Variants in KCNJ16 observed in about 807,000 individuals in gnomAD.
KCNJ16 encodes inward rectifier potassium channel 16.
In KCNJ16, 15 loss-of-function variants were observed where a neutral mutation model predicts 18.5. The observed-to-expected ratio is 0.81, with a 90% confidence interval of 0.54 to 1.25. The LOEUF (loss-of-function observed/expected upper bound fraction) is 1.25, where lower values mean the gene tolerates loss of function less well. KCNJ16 is among the 50% of genes most tolerant of loss of function. KCNJ16 has a pLI of 0.00. For synonymous variants in KCNJ16, 174 were observed against 186.5 expected (o/e 0.93, Z 0.55); for missense variants, 523 against 525.7 (o/e 0.99, Z 0.05).
chr17:70,091,833 C>A (rs1228349028), intron 1 of KCNJ16, among the ~76,000 whole-genome samples: 2 of 152,148 alleles, frequency 1.3e-5, no homozygotes, highest in East Asian at 3.9e-4. Flanking sequence ...ATTTCCAGGG[C>A]AATATTTACA....
chr17:70,088,430 G>C (rs1382843656), intron 1 of KCNJ16, among the ~76,000 whole-genome samples: 1 of 152,240 alleles, frequency 6.6e-6, no homozygotes, highest in Non-Finnish European at 1.5e-5. Flanking sequence ...TTCACCGCCT[G>C]CTGTGCGGCC....
chr17:70,115,901 C>A (rs1262144096), intron 2 of KCNJ16, among the ~76,000 whole-genome samples: 1 of 152,164 alleles, frequency 6.6e-6, no homozygotes, highest in Non-Finnish European at 1.5e-5. Flanking sequence ...CGACTGTCTG[C>A]CTTGCTGGGC....
intron 2 of KCNJ16, among the ~76,000 whole-genome samples, chr17:70,127,058 A>C (rs759622725): frequency 4.6e-5 from 7 of 152,224 alleles, no homozygotes; most frequent in Non-Finnish European, 8.8e-5. Context: ...TTTCTATAGT[A>C]AACTGGCACA....
rs768867436 is a variant in KCNJ16, at chr17:70,133,179, G to A, written c.1092G>A (p.Thr364=). ...EKAPPVRESC[T]SDTKARRRSF... ...CACCACCAGTTCGAGAATCCTGCACGTCGGACACCAAGGCGAGACGAAGGT... is the reference window on the plus strand; with the variant it reads ...CACCACCAGTTCGAGAATCCTGCACATCGGACACCAAGGCGAGACGAAGGT... Residue 364 remains threonine (T), a synonymous_variant, in exon 4 of 4, where the codon ACG becomes ACA. Coordinates refer to ENST00000392671, the MANE Select transcript of KCNJ16 (RefSeq NM_170741.4). 12 of 1,614,070 alleles carry A rather than the reference G, an allele frequency of 7.4e-6. No individual in the cohort carries two copies. The highest frequency in any genetic ancestry group is 6.7e-5 in the East Asian group (3 of 44,892).
At chr17:70,077,684 TTTG>T (rs1406730594) in intron 1 of KCNJ16, among the ~76,000 whole-genome samples, 16 of 151,698 alleles carry the variant, frequency 1.1e-4, no homozygotes, top group Non-Finnish European at 2.2e-4. Flanking sequence ...GTTTTTTTTT[TTTG>T]TTTGTTTGTT....
At chr17:70,120,679 T>C (rs1005858401) in intron 2 of KCNJ16, among the ~76,000 whole-genome samples, 3 of 152,128 alleles carry the variant, frequency 2.0e-5, no homozygotes, top group South Asian at 2.1e-4. Context: ...CACACTTTTA[T>C]ATGACCAGAC....
intron 2 of KCNJ16, among the ~76,000 whole-genome samples, chr17:70,114,453 C>T (rs763976007): frequency 1.3e-5 from 2 of 152,092 alleles, no homozygotes; most frequent in Admixed American, 6.6e-5. Flanking sequence ...GACACATATG[C>T]CTTCCACAAA....
At chr17:70,102,758 TC>T (rs1273815934) in intron 2 of KCNJ16, among the ~76,000 whole-genome samples, 1 of 152,100 alleles carries the variant, frequency 6.6e-6, no homozygotes, top group Non-Finnish European at 1.5e-5. Flanking sequence ...TTTCAACACT[TC>T]CTGTCACCGT....
intron 2 of KCNJ16, among the ~76,000 whole-genome samples, chr17:70,121,886 T>C (rs770130858): frequency 6.6e-6 from 1 of 152,136 alleles, no homozygotes; most frequent in Non-Finnish European, 1.5e-5. Flanking sequence ...TTGAATCTGT[T>C]AGGCAGAGGT....
chr17:70,116,194 T>A (rs1036386022), intron 2 of KCNJ16, among the ~76,000 whole-genome samples: 9 of 152,164 alleles, frequency 5.9e-5, no homozygotes, highest in Admixed American at 5.9e-4. Context: ...AAAATTTTAT[T>A]GTATGAGAGT....
chr17:70,082,311 G>C (rs1267950964), intron 1 of KCNJ16, among the ~76,000 whole-genome samples: 1 of 152,146 alleles, frequency 6.6e-6, no homozygotes, highest in African/African-American at 2.4e-5. Context: ...TCGGTGTGAA[G>C]ATAAAAGCAG....
chr17:70,110,478 G>GTGCACACACACACACACA lies in KCNJ16; in HGVS notation c.-191+9712_-191+9713insTGCACACACACACACACA, dbSNP rs1491105871. Reference sequence around the variant, plus strand: ...AGACTTACACACCTACACACTTCGTGCGCGCACACACACACACACACACAA... The same window carrying GTGCACACACACACACACA: ...AGACTTACACACCTACACACTTCGTGTGCACACACACACACACACGCGCACACACACACACACACACAA... On this transcript the variant is annotated intron_variant, in intron 2 of 3. Coordinates refer to ENST00000392671, the MANE Select transcript of KCNJ16 (RefSeq NM_170741.4). Among the ~76,000 whole-genome samples the GTGCACACACACACACACA allele has an allele frequency of 2.1e-3, 253 of 122,288 alleles. 1 individual carries two copies. Among genetic ancestry groups the GTGCACACACACACACACA allele is most frequent in the Non-Finnish European group, 2.8e-3 (164 of 59,566 alleles). 80.2% of individuals were successfully genotyped at this position (122,288 alleles called of 152,430 possible).
chr17:70,096,370 G>A (rs1402690009), intron 1 of KCNJ16, among the ~76,000 whole-genome samples: 3 of 152,276 alleles, frequency 2.0e-5, no homozygotes, highest in African/African-American at 7.2e-5. Flanking sequence ...TGAGAAATAT[G>A]TGGTCTCTCA....
intron 3 of KCNJ16, chr17:70,131,477 G>A: frequency 1.0e-6 from 1 of 998,994 alleles, no homozygotes; most frequent in Non-Finnish European, 1.2e-6. Context: ...ACCAGGTGCT[G>A]AAGGTGAGGG....
At chr17:70,089,565 A>C (rs1024911125) in intron 1 of KCNJ16, among the ~76,000 whole-genome samples, 1 of 152,192 alleles carries the variant, frequency 6.6e-6, no homozygotes, top group Non-Finnish European at 1.5e-5. Context: ...AAAAAACATA[A>C]TGCCTGCAGT....
At chr17:70,119,168 G>A (rs1174849215) in intron 2 of KCNJ16, among the ~76,000 whole-genome samples, 1 of 152,246 alleles carries the variant, frequency 6.6e-6, no homozygotes, top group South Asian at 2.1e-4. Flanking sequence ...GCACGCTGGT[G>A]CAAGGGGTTA....
rs1024488572 is a variant in KCNJ16, at chr17:70,121,024, G to A, written c.-190-9855G>A. Among the ~76,000 whole-genome samples, 2 of 152,172 alleles carry A rather than the reference G, an allele frequency of 1.3e-5. 1 individual carries two copies. The highest frequency in any genetic ancestry group is 4.1e-4 in the South Asian group (2 of 4,826). On this transcript the variant is annotated intron_variant, in intron 2 of 3. Transcript: ENST00000392671. The stretch of plus-strand genomic sequence containing the variant: ...GGTATAAATGATTTGGGGGAAAGAT[G>A]ATGGGGTCCATAGAAGAAGAGGTGA...
At chr17:70,084,625 G>A (rs965346665) in intron 1 of KCNJ16, among the ~76,000 whole-genome samples, 10 of 152,040 alleles carry the variant, frequency 6.6e-5, no homozygotes, top group Admixed American at 4.6e-4. Context: ...CATTTCCTCT[G>A]GTAGAGCGGT....
intron 1 of KCNJ16, among the ~76,000 whole-genome samples, chr17:70,076,013 A>C (rs184000197): frequency 4.6e-5 from 7 of 151,164 alleles, no homozygotes; most frequent in African/African-American, 1.7e-4. Context: ...TTTTGTTTTG[A>C]GTATTTAGTC....
Sources: gnomAD v4.1 joint callset for allele counts (sites outside exome capture counted in the v4.1 genomes callset) on GRCh38, gnomAD v4.1.1 for gene constraint, MANE v1.5 for transcripts, NCBI Gene and HGNC (gene_info 2026-07-23, HGNC 2026-07-21) for gene names.